STC2: variants seen among roughly 807,000 people sequenced by gnomAD.
The protein encoded by STC2 is stanniocalcin-2.
In STC2, 7 loss-of-function variants were observed where a neutral mutation model predicts 22.7. The ratio of observed to expected loss-of-function variants is 0.31; its 90% CI spans 0.18 to 0.58. STC2 has a LOEUF of 0.58. Ranked by LOEUF, STC2 falls within the 20% of genes least tolerant of loss-of-function variation. The pLI is 0.89. For missense variants in STC2, 336 were observed against 406.2 expected (o/e 0.83, Z 1.48); for synonymous variants, 158 against 163.4 (o/e 0.97, Z 0.25).
At chr5:173,322,131 G>A (rs1762494804) in intron 3 of STC2, among the ~76,000 whole-genome samples, 1 of 152,180 alleles carries the variant, frequency 6.6e-6, no homozygotes, top group South Asian at 2.1e-4. Flanking sequence ...GAAGGTTGTG[G>A]CACAAACTGA....
rs1762535863 is a variant in STC2, at chr5:173,325,508, C to G, written c.294+360G>C. ...TGACGGATTTCTACATACTTTGTGT[C>G]TCATTTTCCTAGTAGGTGAAATGAC... On this transcript the variant is annotated intron_variant, in intron 2 of 3. Transcript: ENST00000265087. The surrounding 1 kb of genome is among the most constrained non-coding windows in gnomAD (Gnocchi z 4.7). 1.3e-5 allele frequency among the ~76,000 whole-genome samples: 2 copies of G among 152,176 alleles called. No individual in the cohort carries two copies. The highest frequency in any genetic ancestry group is 4.1e-4 in the South Asian group (2 of 4,822).
intron 3 of STC2, among the ~76,000 whole-genome samples, chr5:173,320,164 T>C (rs942448686): frequency 1.3e-5 from 2 of 152,172 alleles, no homozygotes; most frequent in African/African-American, 2.4e-5. Flanking sequence ...AGATACTAAC[T>C]GGATGCTGTC....
intron 3 of STC2, among the ~76,000 whole-genome samples, chr5:173,318,527 A>AC (rs1762453209): frequency 6.6e-6 from 1 of 152,140 alleles, no homozygotes; most frequent in Non-Finnish European, 1.5e-5. Context: ...TAAAAGGAAG[A>AC]CCCTCTGGGG....
chr5:173,324,779 C>T (rs1762526546), intron 2 of STC2, among the ~76,000 whole-genome samples: 1 of 152,218 alleles, frequency 6.6e-6, no homozygotes, highest in African/African-American at 2.4e-5. Context: ...TGGGATTGCC[C>T]TTAAATACAC....
rs1304020054 is a variant in STC2, at chr5:173,316,923, T to C, written c.*924A>G. On this transcript the variant is annotated 3_prime_UTR_variant, in exon 4 of 4. Coordinates refer to ENST00000265087, the MANE Select transcript of STC2 (RefSeq NM_003714.3). ...TTTCCCCCAAGTGGGCAGGAGTCCA[T>C]GTCAGGCAGTCAGATGTATGGCTAT... The C allele has an allele frequency of 1.3e-5, 2 of 152,118 alleles. No homozygotes were observed. Among genetic ancestry groups the C allele is most frequent in the Non-Finnish European group, 2.9e-5 (2 of 68,030 alleles). The allele number at this position is 152,118 out of a possible 1,614,324, so 9.4% of individuals were successfully genotyped here.
rs577380403 is a variant in STC2 at position 173,325,382 on chromosome 5, G to T, written c.294+486C>A. ...AACTGAAGGACTCAATCAGGGTTTC[G>T]ACCGGTCAGCTTGGGAGAGAAAGAT... On this transcript the variant is annotated intron_variant, in intron 2 of 3. Coordinates refer to ENST00000265087, the MANE Select transcript of STC2 (RefSeq NM_003714.3). This position sits in a 1 kb window ranked among gnomAD's most constrained non-coding sequence, Gnocchi z 4.7. Among the ~76,000 whole-genome samples the T allele has an allele frequency of 5.3e-5, 8 of 152,266 alleles. No individual in the cohort carries two copies. The South Asian group carries it at 8.3e-4, about 16-fold the overall frequency.
Position 173,325,086 on chromosome 5 carries a change from T to C in STC2, c.294+782A>G, listed in dbSNP as rs1762530648. On this transcript the variant is annotated intron_variant, in intron 2 of 3. Transcript: ENST00000265087. The surrounding 1 kb of genome is among the most constrained non-coding windows in gnomAD (Gnocchi z 4.7). The stretch of plus-strand genomic sequence containing the variant: ...CCACCTCCAAATGTTGGCATTGCTC[T>C]CCAATGAAGCAGGAGAGACGTTTCT... 6.6e-6 allele frequency among the ~76,000 whole-genome samples: 1 copy of C among 152,166 alleles called. No homozygotes were observed. Among genetic ancestry groups the C allele is most frequent in the African/African-American group, 2.4e-5 (1 of 41,432 alleles).
At chr5:173,318,733 T>C (rs903237585) in intron 3 of STC2, among the ~76,000 whole-genome samples, 4 of 152,158 alleles carry the variant, frequency 2.6e-5, no homozygotes, top group African/African-American at 4.8e-5. Flanking sequence ...GAGGAAACCA[T>C]GAAGGTTTAG....
Position 173,323,287 on chromosome 5 carries a change from G to A in STC2, c.438C>T (p.Cys146=), listed in dbSNP as rs775095401. ...CCCGGGTGTTCTCCTGGGCAGCCGCGCACAGGTCGTGCTTGAGGTAGCATT... is the reference window on the plus strand; with the variant it reads ...CCCGGGTGTTCTCCTGGGCAGCCGCACACAGGTCGTGCTTGAGGTAGCATT... ...QRECYLKHDL[C]AAAQENTRVI... The change falls in exon 3 of 4, where the codon TGC becomes TGT. Residue 146 remains cysteine (C), a synonymous_variant. Transcript: ENST00000265087. The surrounding 1 kb of genome is among the most constrained non-coding windows in gnomAD (Gnocchi z 5.4). The A allele has an allele frequency of 8.1e-6, 13 of 1,614,014 alleles. No homozygotes were observed. Among genetic ancestry groups the A allele is most frequent in the African/African-American group, 8.0e-5 (6 of 74,888 alleles).
chr5:173,324,557 G>A (rs576754840), intron 2 of STC2, among the ~76,000 whole-genome samples: 4 of 152,276 alleles, frequency 2.6e-5, no homozygotes, highest in East Asian at 1.9e-4. Context: ...TGGCCTCCCC[G>A]TGGCCCCCTC....
chr5:173,317,445 G>T lies in STC2; in HGVS notation c.*402C>A. The stretch of plus-strand genomic sequence containing the variant: ...TTCCGCGGAGACAGCACCAGAGGCT[G>T]CTGCACCAGAAGCTTCGGGGCGAGG... On this transcript the variant is annotated 3_prime_UTR_variant, in exon 4 of 4. Coordinates refer to ENST00000265087, the MANE Select transcript of STC2 (RefSeq NM_003714.3). 1 of 161,352 alleles carries T rather than the reference G, an allele frequency of 6.2e-6. No homozygotes were observed. The highest frequency in any genetic ancestry group is 1.3e-5 in the Non-Finnish European group (1 of 74,344). 10.0% of individuals were successfully genotyped at this position (161,352 alleles called of 1,614,324 possible).
rs750959444 is a variant in STC2 at position 173,325,926 on chromosome 5, C to T, written c.236G>A (p.Arg79Gln). ...ECFENNSCEI[R>Q]GLHGICMTFL... ...AGTCATGCAAATCCCATGTAAGCCC[C>T]GAATCTCACAAGAGTTGTTCTCGAA... Residue 79 changes from arginine (R) to glutamine (Q), a missense_variant, in exon 2 of 4, where the codon CGG (arginine) becomes CAG (glutamine). Physicochemically the swap from Arg to Gln is conservative, Grantham distance 43. Transcript: ENST00000265087. The surrounding 1 kb of genome is among the most constrained non-coding windows in gnomAD (Gnocchi z 4.7). 5.0e-6 allele frequency: 8 copies of T among 1,614,068 alleles called. No individual in the cohort carries two copies. Among genetic ancestry groups the T allele is most frequent in the African/African-American group, 2.7e-5 (2 of 74,924 alleles).
intron 1 of STC2, among the ~76,000 whole-genome samples, chr5:173,327,516 A>G (rs941071366): frequency 2.4e-4 from 37 of 152,372 alleles, no homozygotes; most frequent in African/African-American, 8.4e-4. Context: ...TTCCGAAAGC[A>G]GTGCCCCCAG....
intron 2 of STC2, chr5:173,324,213 CCCGTCTGATTGTGCTTA>C (rs1258440963): frequency 2.0e-5 from 3 of 152,420 alleles, no homozygotes; most frequent in Non-Finnish European, 4.4e-5. Flanking sequence ...TCCTGGCAAC[CCCGTCTGATTGTGCTTA>C]TCCTAGAAAG....
rs4041247 is a variant in STC2, at chr5:173,318,266, A to AAGAGAGAGAGAGAGAGAGAGAGAGAGAG, written c.507-45_507-18dup. The stretch of plus-strand genomic sequence containing the variant: ...ACGTAGGGTCTAAAGATTGAAAGCA[A>AAGAGAGAGAGAGAGAGAGAGAGAGAGAG]AGAGAGAGAGAGAGAGAGAGAGAGA... On this transcript the variant is annotated splice_polypyrimidine_tract_variant and intron_variant, in intron 3 of 3. Transcript: ENST00000265087. 4.8e-5 allele frequency: 59 copies of AAGAGAGAGAGAGAGAGAGAGAGAGAGAG among 1,235,908 alleles called. No individual in the cohort carries two copies. The African/African-American group carries it at 9.1e-4, about 19-fold the overall frequency. The allele number at this position is 1,235,908 out of a possible 1,614,324, so 76.6% of individuals were successfully genotyped here.
Position 173,317,665 on chromosome 5 carries a change from C to A in STC2, c.*182G>T. On this transcript the variant is annotated 3_prime_UTR_variant, in exon 4 of 4. Transcript: ENST00000265087. The stretch of plus-strand genomic sequence containing the variant: ...AATTCACCAGGCACCCCTGAGACCC[C>A]ACGGCCCCAGGGGTCTCCATCTCAC... 1 of 710,038 alleles carries A rather than the reference C, an allele frequency of 1.4e-6. No homozygotes were observed. Among genetic ancestry groups the A allele is most frequent in the Non-Finnish European group, 2.1e-6 (1 of 474,414 alleles). The allele number at this position is 710,038 out of a possible 1,614,324, so 44.0% of individuals were successfully genotyped here.
In STC2 at chr5:173,317,561, C is replaced by A. The variant is rs1461670160; in HGVS notation, c.*286G>T. ...TCCCCCACAACAGAGCGGCCGACAC[C>A]CACTGACTCCACAGATGGAAAGAAG... On this transcript the variant is annotated 3_prime_UTR_variant, in exon 4 of 4. Coordinates refer to ENST00000265087, the MANE Select transcript of STC2 (RefSeq NM_003714.3). 1.6e-5 allele frequency: 4 copies of A among 242,828 alleles called. No individual in the cohort carries two copies. The highest frequency in any genetic ancestry group is 8.9e-5 in the African/African-American group (4 of 44,990). 15.0% of individuals were successfully genotyped at this position (242,828 alleles called of 1,614,324 possible).
Position 173,323,891 on chromosome 5 carries a change from C to G in STC2, c.295-461G>C. ...CTGCATGTCCAAATCTCACACGTTT[C>G]CTTTTTCCCTTGATTCCAGGGGCGA... On this transcript the variant is annotated intron_variant, in intron 2 of 3. Transcript: ENST00000265087. This position sits in a 1 kb window ranked among gnomAD's most constrained non-coding sequence, Gnocchi z 5.4. The G allele has an allele frequency of 5.9e-6, 1 of 168,156 alleles. No individual in the cohort carries two copies. Among genetic ancestry groups the G allele is most frequent in the Non-Finnish European group, 1.3e-5 (1 of 76,796 alleles). 10.4% of individuals were successfully genotyped at this position (168,156 alleles called of 1,614,324 possible).
At position 173,315,449 on chromosome 5, in the gene STC2, T is replaced by C. The variant is rs1581136713; in HGVS notation, c.*2398A>G. 2 of 152,062 alleles carry C rather than the reference T, an allele frequency of 1.3e-5. No individual in the cohort carries two copies. The highest frequency in any genetic ancestry group is 1.3e-4 in the Admixed American group (2 of 15,282). 9.4% of individuals were successfully genotyped at this position (152,062 alleles called of 1,614,324 possible). On this transcript the variant is annotated 3_prime_UTR_variant, in exon 4 of 4. Transcript: ENST00000265087. The stretch of plus-strand genomic sequence containing the variant: ...ACAGAGATCAGTAAATGGGTTCAAA[T>C]GAACACAGTAAACCATTTTATGCCT...
Sources: gnomAD v4.1 joint callset for allele counts (sites outside exome capture counted in the v4.1 genomes callset) on GRCh38, gnomAD v4.1.1 for gene constraint, Gnocchi (gnomAD v3.1) non-coding constraint, MANE v1.5 for transcripts, NCBI Gene and HGNC (gene_info 2026-07-23, HGNC 2026-07-21) for gene names.